The following EFL1 variants were observed in gnomAD, a reference collection of about 807,000 sequenced individuals.
The protein encoded by EFL1 is elongation factor like GTPase 1.
Under a neutral mutation model 126.7 loss-of-function variants are expected in EFL1, and 76 were observed. The observed-to-expected ratio is 0.60, with a 90% CI of 0.50 to 0.73. The LOEUF (loss-of-function observed/expected upper bound fraction) is 0.73. Ranked by LOEUF, EFL1 falls within the 30% of genes least tolerant of loss-of-function variation. EFL1 has a pLI of 0.00. For missense variants in EFL1, 1,128 were observed against 1,343.2 expected (o/e 0.84, Z 2.50); for synonymous variants, 410 against 448.4 (o/e 0.91, Z 1.08).
chr15:82,240,341 G>A lies in EFL1; in HGVS notation c.516+77C>T, dbSNP rs547736244. The A allele has an allele frequency of 6.5e-6, 9 of 1,395,316 alleles. No homozygotes were observed. The Admixed American group carries it at 1.0e-4, about 16-fold the overall frequency. 86.4% of individuals were successfully genotyped at this position (1,395,316 alleles called of 1,614,324 possible). ...GAAAAGTTCCCTTTTCTGTAGCAAC[G>A]GCTCATACCCAGCTCAGTAACTTCC... On this transcript the variant is annotated intron_variant, in intron 6 of 19. Coordinates refer to ENST00000268206, the MANE Select transcript of EFL1 (RefSeq NM_024580.6).
intron 15 of EFL1, among the ~76,000 whole-genome samples, chr15:82,204,091 T>G (rs2074499800): frequency 6.6e-6 from 1 of 152,258 alleles, no homozygotes; most frequent in African/African-American, 2.4e-5. Context: ...TTTTTGTCAT[T>G]TTAATGGTTA....
chr15:82,215,695 T>C (rs1460013605), intron 14 of EFL1: 1 of 152,182 alleles, frequency 6.6e-6, no homozygotes, highest in South Asian at 2.1e-4. Flanking sequence ...ATGGCTGAGA[T>C]ACAACATAAA....
chr15:82,162,502 G>A (rs1376075439), intron 16 of EFL1, among the ~76,000 whole-genome samples: 1 of 152,154 alleles, frequency 6.6e-6, no homozygotes, highest in Non-Finnish European at 1.5e-5. Flanking sequence ...ACAGGGGTTA[G>A]AGCCAGCCTA....
chr15:82,246,479 G>T (rs563419589), intron 4 of EFL1, among the ~76,000 whole-genome samples: 2 of 152,192 alleles, frequency 1.3e-5, no homozygotes, highest in South Asian at 2.1e-4. Context: ...CGGAGTAATT[G>T]AGAGAGTAAT....
At chr15:82,164,294 A>T (rs2074054697) in intron 15 of EFL1, among the ~76,000 whole-genome samples, 1 of 152,202 alleles carries the variant, frequency 6.6e-6, no homozygotes, top group African/African-American at 2.4e-5. Flanking sequence ...GAAAACACTG[A>T]TTATTTCTAA....
At position 82,246,452 on chromosome 15, in the gene EFL1, G is replaced by A. The variant is rs114344314; in HGVS notation, c.245-5049C>T. 6.5e-3 allele frequency among the ~76,000 whole-genome samples: 989 copies of A among 152,180 alleles called. 14 individuals carry two copies. The highest frequency in any genetic ancestry group is 0.022 in the African/African-American group (926 of 41,490). On this transcript the variant is annotated intron_variant, in intron 4 of 19. Coordinates refer to ENST00000268206, the MANE Select transcript of EFL1 (RefSeq NM_024580.6). ...CTGCTAATGCATGTCATTACTGTAA[G>A]GTGCTAGTCTCATTATCGGAGTAAT...
Position 82,151,946 on chromosome 15 carries a change from T to C in EFL1, c.2508A>G (p.Leu836=). Residue 836 remains leucine (L), a synonymous_variant, in exon 18 of 20, where the codon CTA becomes CTG. Coordinates refer to ENST00000268206, the MANE Select transcript of EFL1 (RefSeq NM_024580.6). ...FGPRKCGPNI[L]VNKSEDFQNS... ...TCTGAAAATCTTCACTTTTATTGACTAGTATGTTGGGCCCACATTTTCTTG... is the reference window on the plus strand; with the variant it reads ...TCTGAAAATCTTCACTTTTATTGACCAGTATGTTGGGCCCACATTTTCTTG... 2 of 1,614,140 alleles carry C rather than the reference T, an allele frequency of 1.2e-6. No individual in the cohort carries two copies. The highest frequency in any genetic ancestry group is 1.7e-6 in the Non-Finnish European group (2 of 1,180,020).
At chr15:82,202,618 C>T (rs2074481467) in intron 15 of EFL1, among the ~76,000 whole-genome samples, 1 of 152,126 alleles carries the variant, frequency 6.6e-6, no homozygotes, top group Admixed American at 6.6e-5. Flanking sequence ...AAGAGAGGAT[C>T]AGAGAGGTTG....
At chr15:82,214,274 G>A (rs937857703) in intron 15 of EFL1, among the ~76,000 whole-genome samples, 1 of 152,136 alleles carries the variant, frequency 6.6e-6, no homozygotes, top group Non-Finnish European at 1.5e-5. Context: ...TATAAACGAC[G>A]ATCAACTAAT....
intron 3 of EFL1, among the ~76,000 whole-genome samples, chr15:82,255,706 A>T (rs1241190983): frequency 1.3e-5 from 2 of 152,148 alleles, no homozygotes; most frequent in African/African-American, 4.8e-5. Context: ...TTCCACAGGG[A>T]TAACCAGTTG....
Position 82,151,699 on chromosome 15 carries a change from C to T in EFL1, c.2755G>A (p.Glu919Lys). The T allele has an allele frequency of 6.2e-7, 1 of 1,614,194 alleles. No individual in the cohort carries two copies. Residue 919 changes from glutamate (E) to lysine (K), a missense_variant, in exon 18 of 20, where the codon GAA (glutamate) becomes AAA (lysine). By Grantham distance (56) the Glu-to-Lys change is moderately conservative (BLOSUM62 1). Coordinates refer to ENST00000268206, the MANE Select transcript of EFL1 (RefSeq NM_024580.6). ...TTTTCATTTCCACCAGAACAGGTTT[C>T]ATTTTCCTCCTGTCCCTCTTTTGCC... ...DLAKEGQEEN[E>K]TCSGGNENQE...
At chr15:82,253,044 CTTTTTT>C (rs112441286) in intron 3 of EFL1, among the ~76,000 whole-genome samples, 1 of 142,454 alleles carries the variant, frequency 7.0e-6, no homozygotes. Context: ...TATATAGAGC[CTTTTTT>C]TTTTTTGAGA....
At chr15:82,239,197 C>T (rs188808386) in intron 6 of EFL1, among the ~76,000 whole-genome samples, 7 of 152,218 alleles carry the variant, frequency 4.6e-5, no homozygotes, top group Admixed American at 2.6e-4. Context: ...AGTGCAGTGG[C>T]GTGATCTTGG....
intron 15 of EFL1, among the ~76,000 whole-genome samples, chr15:82,190,109 T>C (rs2074343403): frequency 7.1e-6 from 1 of 140,884 alleles, no homozygotes; most frequent in South Asian, 2.2e-4. Context: ...AGACTCTGTC[T>C]TAAAAAAAAA....
At chr15:82,262,334 G>A (rs1371952415) in intron 1 of EFL1, 25 of 154,214 alleles carry the variant, frequency 1.6e-4, no homozygotes. Flanking sequence ...TGCACTGCCG[G>A]TCTTTCATTC....
At chr15:82,245,753 A>G (rs7176926) in intron 4 of EFL1, among the ~76,000 whole-genome samples, 70,057 of 151,498 alleles carry the variant, frequency 0.46, 16,751 homozygotes, top group African/African-American at 0.52. Flanking sequence ...ACAACATGGT[A>G]AGACCATCAT....
Position 82,262,638 on chromosome 15 carries a change from C to G in EFL1, c.-44G>C, listed in dbSNP as rs2075139421. ...CCGGCTGCAGCAGCCCCACCAGCCC[C>G]GCTCCTTCTCTCGGGTCGCACCCAC... is the stretch of plus-strand genomic sequence containing the variant. On this transcript the variant is annotated 5_prime_UTR_variant, in exon 1 of 20. Transcript: ENST00000268206. The G allele has an allele frequency of 2.1e-6, 1 of 468,892 alleles. No homozygotes were observed. Among genetic ancestry groups the G allele is most frequent in the Non-Finnish European group, 3.8e-6 (1 of 264,608 alleles). The allele number at this position is 468,892 out of a possible 1,614,324, so 29.0% of individuals were successfully genotyped here. A position where few individuals can be genotyped will look rare whatever the true frequency, so the allele number is the denominator to read the frequency against.
At chr15:82,210,580 G>A (rs1306866633) in intron 15 of EFL1, among the ~76,000 whole-genome samples, 1 of 151,608 alleles carries the variant, frequency 6.6e-6, no homozygotes, top group Non-Finnish European at 1.5e-5. Context: ...CACCACGTGG[G>A]GCCAGGTGCA....
At chr15:82,191,911 T>C (rs2074364040) in intron 15 of EFL1, among the ~76,000 whole-genome samples, 2 of 152,092 alleles carry the variant, frequency 1.3e-5, no homozygotes, top group Non-Finnish European at 1.5e-5. Context: ...ACAATGAACA[T>C]GGAATACAAG....
Sources: allele counts gnomAD v4.1 joint callset (sites outside exome capture counted in the v4.1 genomes callset), GRCh38; gene constraint gnomAD v4.1.1; transcripts MANE v1.5; gene names NCBI Gene and HGNC (gene_info 2026-07-23, HGNC 2026-07-21).